The following MTUS1 variants were observed in gnomAD, a reference collection of about 807,000 sequenced individuals.
MTUS1 encodes the protein microtubule-associated tumor suppressor 1.
MTUS1 carries 109 observed loss-of-function variants against 120.8 expected under a neutral mutation model. The ratio of observed to expected loss-of-function variants is 0.90; its 90% CI spans 0.77 to 1.06. The LOEUF (loss-of-function observed/expected upper bound fraction) is 1.06. Among genes scored for constraint, MTUS1 ranks in the 50% least tolerant of loss-of-function variants. The probability of loss-of-function intolerance (pLI) is 0.00; values close to 1 mark genes in which losing one functional copy is unlikely to be tolerated. For missense variants in MTUS1, 2,210 were observed against 1,486.3 expected, an observed-to-expected ratio of 1.49 and a Z score of -8.01; for synonymous variants, 737 against 550.5, an observed-to-expected ratio of 1.34 and a Z score of -4.74.
chr8:17,690,502 A>G (rs910629485), intron 6 of MTUS1, among the ~76,000 whole-genome samples: 5 of 152,220 alleles, frequency 3.3e-5, no homozygotes, highest in African/African-American at 1.2e-4. Context: ...TAAAAATAGA[A>G]CTACCATTCA....
At chr8:17,715,744 T>A (rs200455360) in intron 5 of MTUS1, 23 bp downstream of exon 5, 29 of 1,588,756 alleles carry the variant, frequency 1.8e-5, no homozygotes, top group African/African-American at 8.2e-5. Flanking sequence ...CCCTCCCTCT[T>A]CAAACCACAA....
At chr8:17,677,113 A>C (rs1813286872) in intron 7 of MTUS1, among the ~76,000 whole-genome samples, 1 of 152,200 alleles carries the variant, frequency 6.6e-6, no homozygotes, top group African/African-American at 2.4e-5. Flanking sequence ...AGTTGTTCTG[A>C]AATCACCAGT....
At chr8:17,685,659 T>A (rs564801595) in intron 6 of MTUS1, among the ~76,000 whole-genome samples, 1 of 150,920 alleles carries the variant, frequency 6.6e-6, no homozygotes, top group Admixed American at 6.7e-5. Context: ...TAAGAACAAA[T>A]GGCTAAATAT....
chr8:17,652,288 G>A (rs977502363), intron 12 of MTUS1, among the ~76,000 whole-genome samples: 5 of 152,044 alleles, frequency 3.3e-5, no homozygotes, highest in Admixed American at 6.6e-5. Context: ...TTATCCATAC[G>A]GCGAAATATT....
intron 4 of MTUS1, chr8:17,722,147 A>C (rs2045893801): frequency 8.6e-7 from 1 of 1,165,182 alleles, no homozygotes; most frequent in African/African-American, 1.6e-5. Flanking sequence ...TGTATGGTAA[A>C]CCCCTTTGTT....
chr8:17,797,343 G>A (rs1044996122), intron 1 of MTUS1, among the ~76,000 whole-genome samples: 3 of 152,140 alleles, frequency 2.0e-5, no homozygotes, highest in East Asian at 1.9e-4. Flanking sequence ...AGCCTGGGAC[G>A]TGAAGGCTGC....
At chr8:17,682,775 C>A (rs751248816) in intron 7 of MTUS1, among the ~76,000 whole-genome samples, 2 of 152,142 alleles carry the variant, frequency 1.3e-5, no homozygotes, top group East Asian at 3.9e-4. Flanking sequence ...TTGTTCCCCA[C>A]ATTTGATAGT....
intron 1 of MTUS1, among the ~76,000 whole-genome samples, chr8:17,782,251 A>T (rs2050928497): frequency 6.6e-6 from 1 of 152,214 alleles, no homozygotes; most frequent in African/African-American, 2.4e-5. Context: ...AAAATATTCA[A>T]AGAAAATGTT....
At chr8:17,662,189 C>T (rs2130425329) in intron 8 of MTUS1, among the ~76,000 whole-genome samples, 1 of 152,190 alleles carries the variant, frequency 6.6e-6, no homozygotes, top group Non-Finnish European at 1.5e-5. Flanking sequence ...TCTTCTTGCT[C>T]ATTCTCCAGA....
chr8:17,789,464 C>G (rs969747602), intron 1 of MTUS1, among the ~76,000 whole-genome samples: 1 of 152,136 alleles, frequency 6.6e-6, no homozygotes, highest in Non-Finnish European at 1.5e-5. Flanking sequence ...ATCTTTACCC[C>G]AAAGTGTTAA....
At chr8:17,704,727 G>C (rs1359901728) in intron 6 of MTUS1, among the ~76,000 whole-genome samples, 1 of 152,124 alleles carries the variant, frequency 6.6e-6, no homozygotes, top group African/African-American at 2.4e-5. Flanking sequence ...TCTTTGTCAA[G>C]ATTGTTTTGG....
chr8:17,764,639 T>C (rs1193013155), intron 1 of MTUS1, among the ~76,000 whole-genome samples: 4 of 152,234 alleles, frequency 2.6e-5, no homozygotes, highest in African/African-American at 9.6e-5. Context: ...CTTTACAGGA[T>C]GTGCGGTCTG....
intron 3 of MTUS1, among the ~76,000 whole-genome samples, chr8:17,730,224 T>C (rs2046473207): frequency 6.6e-6 from 1 of 152,140 alleles, no homozygotes; most frequent in Non-Finnish European, 1.5e-5. Context: ...GTGCCTGTAA[T>C]CCCAGCACTT....
chr8:17,655,998 T>C lies in MTUS1; in HGVS notation c.2973A>G (p.Ala991=), dbSNP rs1808139865. 2 of 1,614,258 alleles carry C rather than the reference T, an allele frequency of 1.2e-6. No individual in the cohort carries two copies. Among genetic ancestry groups the C allele is most frequent in the East Asian group, 2.2e-5 (1 of 44,882 alleles). ...ARNELQTVYE[A]FVQQHQAEKT... ...TTTCAGCCTGGTGCTGCTGGACGAA[T>C]GCTTCATACACTGTTTGTAACTCAT... The change falls in exon 9 of 15, where the codon GCA becomes GCG. Residue 991 remains alanine (A), a synonymous_variant. Transcript: ENST00000693296.
At chr8:17,676,146 G>A in intron 7 of MTUS1, 1 of 664,300 alleles carries the variant, frequency 1.5e-6, no homozygotes, top group Non-Finnish European at 2.7e-6. Context: ...CAGCGTTGCA[G>A]AGATCATGAG....
At chr8:17,718,846 C>G (rs1285425612) in intron 4 of MTUS1, among the ~76,000 whole-genome samples, 1 of 151,360 alleles carries the variant, frequency 6.6e-6, no homozygotes, top group East Asian at 2.0e-4. Flanking sequence ...CAGGAAAGCC[C>G]AAGCAGAAGA....
At chr8:17,713,096 A>C in intron 6 of MTUS1, 118 bp downstream of exon 6, 1 of 825,332 alleles carries the variant, frequency 1.2e-6, no homozygotes. Flanking sequence ...TTAGGTTTAC[A>C]CCTCAAATTG....
chr8:17,693,506 A>G (rs577366538), intron 6 of MTUS1, among the ~76,000 whole-genome samples: 1 of 152,274 alleles, frequency 6.6e-6, no homozygotes, highest in South Asian at 2.1e-4. Flanking sequence ...CTCTACAATG[A>G]CCAGCCCCCG....
chr8:17,656,096 G>A (rs1395956076), intron 8 of MTUS1, 31 bp from the exon 9 acceptor site: 2 of 1,601,412 alleles, frequency 1.2e-6, no homozygotes, highest in Non-Finnish European at 1.7e-6. Flanking sequence ...AGAGGGAAGA[G>A]GTCATTTTAT....
Sources: allele counts gnomAD v4.1 joint callset (sites outside exome capture counted in the v4.1 genomes callset), GRCh38; gene constraint gnomAD v4.1.1; transcripts MANE v1.5; gene names NCBI Gene and HGNC (gene_info 2026-07-23, HGNC 2026-07-21).